MBNL2: variants seen among roughly 807,000 people sequenced by gnomAD.
The protein encoded by MBNL2 is muscleblind-like protein 2.
MBNL2 carries 17 observed loss-of-function variants against 41.9 expected under a neutral mutation model. The ratio of observed to expected loss-of-function variants is 0.41; its 90% CI spans 0.28 to 0.61. The LOEUF (loss-of-function observed/expected upper bound fraction) is 0.61, where lower values mean the gene tolerates loss of function less well. MBNL2 is among the 20% of genes least tolerant of loss of function. The pLI, the probability that MBNL2 is intolerant of heterozygous loss-of-function variation, is 0.35. For synonymous variants in MBNL2, 195 were observed against 182.9 expected, an observed-to-expected ratio of 1.07 and a Z score of -0.53; for missense variants, 336 against 505.6, an observed-to-expected ratio of 0.66 and a Z score of 3.22.
Position 97,271,460 on chromosome 13 carries a change from AAAAAACAAAAC to A in MBNL2, c.-604-4166_-604-4156del, listed in dbSNP as rs201700278. Among the ~76,000 whole-genome samples the A allele has an allele frequency of 1.0e-2, 1,517 of 152,056 alleles. 48 individuals are homozygous for A. The highest frequency in any genetic ancestry group is 0.035 in the African/African-American group (1,433 of 41,442). Reference sequence around the variant, plus strand: ...TATTTATTTCTAAAAAAAAACAAACAAAAAACAAAACAAAAAAAAACAGGATACATGTGCAG... The same window carrying A: ...TATTTATTTCTAAAAAAAAACAAACAAAAAAAAAACAGGATACATGTGCAG... On this transcript the variant is annotated intron_variant, in intron 1 of 8. Coordinates refer to ENST00000679496, the MANE Select transcript of MBNL2 (RefSeq NM_001382683.1).
chr13:97,238,857 C>A (rs1265576469), intron 1 of MBNL2, among the ~76,000 whole-genome samples: 1 of 151,938 alleles, frequency 6.6e-6, no homozygotes, highest in East Asian at 1.9e-4. Context: ...TGAGCTGAGG[C>A]CACTGGGAAA....
intron 8 of MBNL2, among the ~76,000 whole-genome samples, chr13:97,385,016 C>A (rs4771273): frequency 0.48 from 72,422 of 151,854 alleles, 17,793 homozygotes; most frequent in Middle Eastern, 0.63. Flanking sequence ...ACTACCCTAA[C>A]AAGGTGCACA....
intron 4 of MBNL2, among the ~76,000 whole-genome samples, chr13:97,345,763 C>T (rs367592591): frequency 2.7e-5 from 4 of 149,616 alleles, no homozygotes; most frequent in African/African-American, 7.4e-5. Flanking sequence ...CACCCCACCC[C>T]ACCCCACCCC....
chr13:97,260,466 G>A (rs1415162188), intron 1 of MBNL2, among the ~76,000 whole-genome samples: 4 of 152,182 alleles, frequency 2.6e-5, no homozygotes, highest in East Asian at 3.9e-4. Flanking sequence ...GCTGCAGTGC[G>A]GCAAGGGTAG....
intron 8 of MBNL2, among the ~76,000 whole-genome samples, chr13:97,375,823 G>C (rs1344468041): frequency 6.6e-6 from 1 of 152,214 alleles, no homozygotes; most frequent in Non-Finnish European, 1.5e-5. Flanking sequence ...GATAGAAGAA[G>C]AGAGAACAGC....
At chr13:97,294,846 A>T (rs1458931619) in intron 2 of MBNL2, among the ~76,000 whole-genome samples, 1 of 152,212 alleles carries the variant, frequency 6.6e-6, no homozygotes, top group Non-Finnish European at 1.5e-5. Flanking sequence ...GGATAAAAAA[A>T]GATCAAGCAC....
intron 2 of MBNL2, among the ~76,000 whole-genome samples, chr13:97,298,329 A>G (rs976098664): frequency 6.6e-5 from 10 of 152,216 alleles, no homozygotes; most frequent in Non-Finnish European, 1.3e-4. Context: ...ACATGAATAA[A>G]TCTGTCTATT....
chr13:97,336,655 T>G (rs1303729951), intron 3 of MBNL2, among the ~76,000 whole-genome samples: 1 of 152,108 alleles, frequency 6.6e-6, no homozygotes, highest in African/African-American at 2.4e-5. Context: ...CCCTAGAGCC[T>G]CTGGAGGGAG....
At chr13:97,170,831 C>T in the MBNL2 span, among the ~76,000 whole-genome samples, 1 of 152,214 alleles carries the variant, frequency 6.6e-6, no homozygotes, top group Non-Finnish European at 1.5e-5. Context: ...TCTCCTCTCC[C>T]TAGCCTGGTG....
Position 97,334,421 on chromosome 13 carries a change from G to T in MBNL2, c.320G>T (p.Gly107Val). The T allele has an allele frequency of 6.2e-7, 1 of 1,612,544 alleles. No homozygotes were observed. The highest frequency in any genetic ancestry group is 8.5e-7 in the Non-Finnish European group (1 of 1,179,104). ...CAGCAGATGCAATTTATGTTTCCAG[G>T]AACACCACTTCATCCAGTGGTGAGT... is the stretch of plus-strand genomic sequence containing the variant. ...LAQQMQFMFP[G>V]TPLHPVPTFP... is the part of the protein sequence containing the mutation. The change falls in exon 3 of 9, where the codon GGA becomes GTA. Residue 107 changes from glycine to valine, a missense_variant. By Grantham distance (109) the Gly-to-Val change is moderately radical. Transcript: ENST00000679496. This position sits in a 1 kb window ranked among gnomAD's most constrained non-coding sequence, Gnocchi z 5.3.
At chr13:97,310,308 C>T (rs568444770) in intron 2 of MBNL2, among the ~76,000 whole-genome samples, 1 of 152,144 alleles carries the variant, frequency 6.6e-6, no homozygotes, top group East Asian at 1.9e-4. Context: ...GTGCCAAGAA[C>T]ATTTTCATGA....
At chr13:97,359,431 T>G (rs1566439980) in intron 7 of MBNL2, among the ~76,000 whole-genome samples, 1 of 152,198 alleles carries the variant, frequency 6.6e-6, no homozygotes, top group Non-Finnish European at 1.5e-5. Context: ...CTCCAGCACA[T>G]GTTTAACTCT....
chr13:97,331,419 C>A (rs1429467358), intron 2 of MBNL2, among the ~76,000 whole-genome samples: 1 of 152,180 alleles, frequency 6.6e-6, no homozygotes. Flanking sequence ...TAGGTCCATG[C>A]AAATAATTGT....
At chr13:97,256,720 G>A (rs1421507550) in intron 1 of MBNL2, among the ~76,000 whole-genome samples, 7 of 152,202 alleles carry the variant, frequency 4.6e-5, no homozygotes, top group Non-Finnish European at 7.3e-5. Flanking sequence ...GGACAACCTG[G>A]TAGAGAGGAG....
At chr13:97,294,508 C>T (rs968191191) in intron 2 of MBNL2, among the ~76,000 whole-genome samples, 2 of 152,202 alleles carry the variant, frequency 1.3e-5, no homozygotes, top group Non-Finnish European at 2.9e-5. Context: ...ATTTAGCTAA[C>T]TGGGAAGACA....
intron 2 of MBNL2, among the ~76,000 whole-genome samples, chr13:97,333,993 A>AG: frequency 7.7e-6 from 1 of 130,184 alleles, no homozygotes; most frequent in Non-Finnish European, 1.7e-5. Context: ...GGAGGGAAAG[A>AG]AAGAGAAAGA....
At chr13:97,330,952 T>C (rs1283111598) in intron 2 of MBNL2, among the ~76,000 whole-genome samples, 1 of 152,206 alleles carries the variant, frequency 6.6e-6, no homozygotes, top group African/African-American at 2.4e-5. Flanking sequence ...GGTTCAGGGT[T>C]GTCTCTTAAA....
chr13:97,227,040 C>CA (rs5806006), intron 1 of MBNL2, among the ~76,000 whole-genome samples: 136 of 122,822 alleles, frequency 1.1e-3, no homozygotes, highest in East Asian at 6.1e-3. Context: ...AGCAGAGTTA[C>CA]AAAAAAAAAA....
chr13:97,294,035 G>T (rs1300884895), intron 2 of MBNL2, among the ~76,000 whole-genome samples: 2 of 149,668 alleles, frequency 1.3e-5, no homozygotes, highest in African/African-American at 2.5e-5. Flanking sequence ...TTTTCTTCAT[G>T]CTTTCCTGAT....
Sources: allele counts gnomAD v4.1 joint callset (sites outside exome capture counted in the v4.1 genomes callset), GRCh38; gene constraint gnomAD v4.1.1; non-coding constraint Gnocchi (gnomAD v3.1); transcripts MANE v1.5; gene names NCBI Gene and HGNC (gene_info 2026-07-23, HGNC 2026-07-21).